WDR47: variants seen among roughly 807,000 people sequenced by gnomAD.
WDR47 encodes WD repeat domain 47.
Under a neutral mutation model 97.2 loss-of-function variants are expected in WDR47, and 32 were observed. The ratio of observed to expected loss-of-function variants is 0.33; its 90% confidence interval spans 0.25 to 0.44. WDR47 has a LOEUF of 0.44. Ranked by LOEUF, WDR47 falls within the 20% of genes least tolerant of loss-of-function variation. The probability of loss-of-function intolerance (pLI) is 1.00; values close to 1 mark genes in which losing one functional copy is unlikely to be tolerated. For synonymous variants in WDR47, 375 were observed against 373.5 expected (o/e 1.00, Z -0.05); for missense variants, 782 against 1,102.3 (o/e 0.71, Z 4.11).
At chr1:109,023,029 C>T (rs1274341754) in intron 2 of WDR47, among the ~76,000 whole-genome samples, 2 of 151,236 alleles carry the variant, frequency 1.3e-5, no homozygotes. Flanking sequence ...ATGGTGAAAC[C>T]CCATCTCTAC....
intron 4 of WDR47, among the ~76,000 whole-genome samples, chr1:109,012,613 GACTTACTACAAA>G (rs1234678831): frequency 7.1e-6 from 1 of 140,904 alleles, no homozygotes; most frequent in Non-Finnish European, 1.5e-5. Context: ...GCCTAAAGTT[GACTTACTACAAA>G]ACAATCCAGA....
chr1:109,020,845 T>C (rs1436584700), intron 2 of WDR47, among the ~76,000 whole-genome samples: 26 of 151,994 alleles, frequency 1.7e-4, no homozygotes, highest in Admixed American at 1.7e-3. Context: ...GTTATTGTTG[T>C]TGTTGTTGAA....
chr1:109,041,045 G>C (rs1344696612), intron 1 of WDR47, among the ~76,000 whole-genome samples: 1 of 149,804 alleles, frequency 6.7e-6, no homozygotes, highest in Admixed American at 6.7e-5. Context: ...TACCATGCAC[G>C]GTTACTAACT....
chr1:108,977,305 C>T (rs1657987387), intron 13 of WDR47, among the ~76,000 whole-genome samples: 1 of 152,096 alleles, frequency 6.6e-6, no homozygotes, highest in Non-Finnish European at 1.5e-5. Flanking sequence ...GCGCCCACCA[C>T]CACGCCTAGC....
At chr1:109,040,978 T>TC (rs1211858604) in intron 1 of WDR47, among the ~76,000 whole-genome samples, 4 of 151,550 alleles carry the variant, frequency 2.6e-5, no homozygotes, top group African/African-American at 9.7e-5. Flanking sequence ...CAAAGACTTC[T>TC]CCTTTCATTA....
At chr1:108,994,024 G>T (rs980952117) in intron 8 of WDR47, among the ~76,000 whole-genome samples, 5 of 152,280 alleles carry the variant, frequency 3.3e-5, no homozygotes, top group Admixed American at 2.6e-4. Flanking sequence ...AACAAAAATT[G>T]ATATATACTG....
chr1:109,024,543 C>T (rs575773117), intron 1 of WDR47, among the ~76,000 whole-genome samples: 1 of 152,246 alleles, frequency 6.6e-6, no homozygotes, highest in South Asian at 2.1e-4. Flanking sequence ...CTAACTCTTA[C>T]CTGTAGGTCT....
Position 109,024,017 on chromosome 1 carries a change from T to C in WDR47, c.-9-496A>G, listed in dbSNP as rs548874159. On this transcript the variant is annotated intron_variant, in intron 1 of 14. Coordinates refer to ENST00000369962, the MANE Select transcript of WDR47 (RefSeq NM_001142551.2). ...TCTAATACATTCACTCAATAAGTAC[T>C]TAATGCCTTTTCTCTGTGACAGACA... 5.3e-5 allele frequency among the ~76,000 whole-genome samples: 8 copies of C among 152,348 alleles called. No individual in the cohort carries two copies. In the South Asian group the frequency reaches 1.0e-3, roughly 20 times the overall value.
chr1:109,001,891 C>CAA (rs34586480), intron 7 of WDR47, among the ~76,000 whole-genome samples: 6 of 132,594 alleles, frequency 4.5e-5, no homozygotes, highest in Admixed American at 7.7e-5. Flanking sequence ...AGCCTTGCCT[C>CAA]AAAAAAAAAA....
chr1:109,033,888 C>T (rs1662765122), intron 1 of WDR47, among the ~76,000 whole-genome samples: 1 of 151,696 alleles, frequency 6.6e-6, no homozygotes, highest in Non-Finnish European at 1.5e-5. Flanking sequence ...CCACTGCACT[C>T]CAGCCTGGCA....
intron 1 of WDR47, among the ~76,000 whole-genome samples, chr1:109,025,517 T>C (rs758627063): frequency 4.0e-5 from 6 of 150,582 alleles, no homozygotes; most frequent in Non-Finnish European, 4.4e-5. Context: ...GGGTGGATTA[T>C]GAGATCAGGA....
chr1:108,983,236 CAT>C (rs760973899), intron 11 of WDR47, 44 bp downstream of exon 11: 2 of 1,521,396 alleles, frequency 1.3e-6, no homozygotes, highest in Non-Finnish European at 1.8e-6. Flanking sequence ...GAAAACATAA[CAT>C]ATACACTGGT....
At chr1:108,975,395 G>C (rs776416207) in intron 13 of WDR47, among the ~76,000 whole-genome samples, 2 of 151,910 alleles carry the variant, frequency 1.3e-5, no homozygotes, top group Non-Finnish European at 2.9e-5. Flanking sequence ...GACCGAGGCA[G>C]GTGGCTCACA....
rs1052088097 is a variant in WDR47 at position 108,991,004 on chromosome 1, T to G, written c.1767+250A>C. ...AAAGTTTGTGGGGTTTTTTTTTGTTTTTTTTTTTTTAAGACACGAGGTCTC... is the reference window on the plus strand; with the variant it reads ...AAAGTTTGTGGGGTTTTTTTTTGTTGTTTTTTTTTTAAGACACGAGGTCTC... On this transcript the variant is annotated intron_variant, in intron 9 of 14. Coordinates refer to ENST00000369962, the MANE Select transcript of WDR47 (RefSeq NM_001142551.2). 5.9e-5 allele frequency among the ~76,000 whole-genome samples: 9 copies of G among 151,592 alleles called. 1 individual carries two copies. The highest frequency in any genetic ancestry group is 4.2e-4 in the South Asian group (2 of 4,806).
intron 9 of WDR47, among the ~76,000 whole-genome samples, chr1:108,990,607 A>C (rs1659252760): frequency 6.6e-6 from 1 of 152,134 alleles, no homozygotes; most frequent in Non-Finnish European, 1.5e-5. Flanking sequence ...AAAAATGGTC[A>C]ATTTTATTAA....
At position 108,982,605 on chromosome 1, in the gene WDR47, A is replaced by T; in HGVS notation, c.2266+4T>A. ...AAACAGCACTTGAAACTGATATTAC[A>T]TACCAGTATGTCCACTCAAAGCATG... On this transcript the variant is annotated splice_donor_region_variant and intron_variant, in intron 12 of 14. Transcript: ENST00000369962. The T allele has an allele frequency of 1.3e-6, 2 of 1,588,728 alleles. No individual in the cohort carries two copies. Among genetic ancestry groups the T allele is most frequent in the Non-Finnish European group, 1.7e-6 (2 of 1,173,142 alleles).
At chr1:109,004,405 C>T (rs1246447939) in intron 6 of WDR47, among the ~76,000 whole-genome samples, 187 bp downstream of exon 6, 1 of 152,204 alleles carries the variant, frequency 6.6e-6, no homozygotes, top group Non-Finnish European at 1.5e-5. Context: ...CTCCAGAATA[C>T]CCAATGGCAA....
At chr1:108,988,685 TTAAA>T (rs1479223366) in intron 9 of WDR47, among the ~76,000 whole-genome samples, 3 of 151,912 alleles carry the variant, frequency 2.0e-5, no homozygotes, top group Admixed American at 6.6e-5. Context: ...CTGTCTCAAA[TTAAA>T]TAAATAAATA....
chr1:109,036,783 C>T (rs527378), intron 1 of WDR47, among the ~76,000 whole-genome samples: 34,919 of 151,484 alleles, frequency 0.23, 4,198 homozygotes, highest in Admixed American at 0.3. Flanking sequence ...TGCAGTGAGC[C>T]GAGATCATGC....
Sources: gnomAD v4.1 joint callset for allele counts (sites outside exome capture counted in the v4.1 genomes callset) on GRCh38, gnomAD v4.1.1 for gene constraint, MANE v1.5 for transcripts, NCBI Gene and HGNC (gene_info 2026-07-23, HGNC 2026-07-21) for gene names.